Variants in CADPS2 observed in about 807,000 individuals in gnomAD.
CADPS2 encodes the protein calcium dependent secretion activator 2.
CADPS2 carries 93 observed loss-of-function variants against 172.5 expected under a neutral mutation model. The observed-to-expected ratio is 0.54, with a 90% CI of 0.46 to 0.64. The LOEUF is 0.64. CADPS2 is among the 30% of genes least tolerant of loss of function. The probability of loss-of-function intolerance (pLI) is 0.00; values close to 1 mark genes in which losing one functional copy is unlikely to be tolerated. For synonymous variants in CADPS2, 546 were observed against 555.2 expected (o/e 0.98, Z 0.23); for missense variants, 1,420 against 1,565.9 (o/e 0.91, Z 1.57).
chr7:122,769,393 C>T (rs372524069), intron 1 of CADPS2, among the ~76,000 whole-genome samples: 1 of 152,148 alleles, frequency 6.6e-6, no homozygotes, highest in East Asian at 1.9e-4. Context: ...TCTGAGGACT[C>T]ACTGAGCCCT....
chr7:122,671,071 G>T (rs1277532691), intron 2 of CADPS2, among the ~76,000 whole-genome samples: 1 of 152,006 alleles, frequency 6.6e-6, no homozygotes, highest in Non-Finnish European at 1.5e-5. Flanking sequence ...AGTTACCCAG[G>T]CTTGGCTAGA....
intron 1 of CADPS2, among the ~76,000 whole-genome samples, chr7:122,738,605 A>T (rs2092307899): frequency 6.6e-6 from 1 of 152,178 alleles, no homozygotes; most frequent in Admixed American, 6.5e-5. Context: ...GGATAAAATG[A>T]TTAAAGGATT....
At chr7:122,376,912 T>C (rs1421253377) in intron 25 of CADPS2, among the ~76,000 whole-genome samples, 1 of 152,118 alleles carries the variant, frequency 6.6e-6, no homozygotes, top group East Asian at 1.9e-4. Flanking sequence ...TTTAAAAATA[T>C]CATAATTATG....
Position 122,451,718 on chromosome 7 carries a change from C to T in CADPS2, c.2187-243G>A, listed in dbSNP as rs541866590. 9.2e-5 allele frequency among the ~76,000 whole-genome samples: 14 copies of T among 152,050 alleles called. No individual in the cohort carries two copies. In the South Asian group the frequency reaches 2.9e-3, roughly 32 times the overall value. ...GTAAAAGATTATAATAAATATTTTCCAGATCTACCGAAAACAATGACTAGT... is the reference window on the plus strand; with the variant it reads ...GTAAAAGATTATAATAAATATTTTCTAGATCTACCGAAAACAATGACTAGT... On this transcript the variant is annotated intron_variant, in intron 14 of 29. Coordinates refer to ENST00000449022, the MANE Select transcript of CADPS2 (RefSeq NM_017954.11).
chr7:122,634,558 T>C (rs1255390451), intron 3 of CADPS2, among the ~76,000 whole-genome samples: 1 of 152,196 alleles, frequency 6.6e-6, no homozygotes, highest in Non-Finnish European at 1.5e-5. Context: ...GTACGTATCC[T>C]TCTTTGTTAA....
At chr7:122,845,284 A>G (rs886155704) in intron 1 of CADPS2, among the ~76,000 whole-genome samples, 1 of 152,192 alleles carries the variant, frequency 6.6e-6, no homozygotes, top group Admixed American at 6.5e-5. Context: ...GGGACCCAGG[A>G]CTTATTCTAA....
chr7:122,532,967 A>AC (rs1174070854), intron 8 of CADPS2, among the ~76,000 whole-genome samples: 3 of 152,028 alleles, frequency 2.0e-5, no homozygotes, highest in Non-Finnish European at 2.9e-5. Flanking sequence ...AGAATGCCCA[A>AC]CCTAGTGCTT....
chr7:122,438,912 A>G (rs1359902196), intron 16 of CADPS2, among the ~76,000 whole-genome samples: 1 of 149,066 alleles, frequency 6.7e-6, no homozygotes, highest in African/African-American at 2.4e-5. Flanking sequence ...ATTAAGAATA[A>G]GCATAATCTT....
intron 9 of CADPS2, among the ~76,000 whole-genome samples, chr7:122,500,237 A>AT (rs1266838486): frequency 2.0e-5 from 3 of 151,990 alleles, no homozygotes; most frequent in African/African-American, 7.3e-5. Flanking sequence ...CTTGTTTGTC[A>AT]TTTTTTTGTT....
chr7:122,357,397 C>T (rs184877795), intron 27 of CADPS2: 26 of 152,268 alleles, frequency 1.7e-4, no homozygotes, highest in Admixed American at 3.3e-4. Flanking sequence ...GCACTTTCCT[C>T]GCTCCTCTTT....
rs537427244 is a variant in CADPS2 at position 122,464,799 on chromosome 7, A to G, written c.2186+6576T>C. On this transcript the variant is annotated intron_variant, in intron 14 of 29. Transcript: ENST00000449022. ...GAAACTGCTACAATCATGACAATTA[A>G]GTGCAACTTGGTACCCTGAATTGAA... 2.2e-4 allele frequency among the ~76,000 whole-genome samples: 33 copies of G among 152,328 alleles called. 2 individuals carry two copies. In the South Asian group the frequency reaches 6.0e-3, roughly 28 times the overall value.
At chr7:122,591,056 G>C (rs1285648539) in intron 6 of CADPS2, among the ~76,000 whole-genome samples, 1 of 151,892 alleles carries the variant, frequency 6.6e-6, no homozygotes, top group Non-Finnish European at 1.5e-5. Flanking sequence ...GTCCCTGTTT[G>C]CAGATGACAT....
chr7:122,419,820 C>T (rs1473539577), intron 17 of CADPS2, among the ~76,000 whole-genome samples: 1 of 150,850 alleles, frequency 6.6e-6, no homozygotes, highest in Non-Finnish European at 1.5e-5. Context: ...AAATTTATTT[C>T]TCCTACATAC....
chr7:122,729,937 A>G (rs921728323), intron 2 of CADPS2, among the ~76,000 whole-genome samples: 4 of 151,772 alleles, frequency 2.6e-5, no homozygotes, highest in African/African-American at 9.7e-5. Flanking sequence ...AATCATGAAA[A>G]CAGAATCCAA....
chr7:122,680,710 T>C (rs1313101750), intron 2 of CADPS2, among the ~76,000 whole-genome samples: 1 of 152,136 alleles, frequency 6.6e-6, no homozygotes, highest in Non-Finnish European at 1.5e-5. Flanking sequence ...TGAGACTGTC[T>C]CAAAAAGAAA....
At chr7:122,742,087 A>G (rs1283812628) in intron 1 of CADPS2, among the ~76,000 whole-genome samples, 2 of 152,124 alleles carry the variant, frequency 1.3e-5, no homozygotes, top group Admixed American at 6.6e-5. Context: ...TCGCTATTAT[A>G]GCTTTTTTAA....
intron 1 of CADPS2, among the ~76,000 whole-genome samples, chr7:122,826,950 A>G (rs1262662390): frequency 6.6e-6 from 1 of 152,184 alleles, no homozygotes; most frequent in African/African-American, 2.4e-5. Flanking sequence ...AATCAATGAA[A>G]TTAAAAATAG....
intron 1 of CADPS2, among the ~76,000 whole-genome samples, chr7:122,881,957 C>G (rs904341457): frequency 6.6e-6 from 1 of 152,132 alleles, no homozygotes; most frequent in African/African-American, 2.4e-5. Flanking sequence ...GAGGCATGGA[C>G]TGAATCTGAG....
intron 3 of CADPS2, among the ~76,000 whole-genome samples, chr7:122,638,250 T>C (rs1320545977): frequency 2.6e-5 from 4 of 152,138 alleles, no homozygotes; most frequent in African/African-American, 9.7e-5. Flanking sequence ...GAGGGAGACA[T>C]GCCCTGCTCC....
Sources: gnomAD v4.1 joint callset for allele counts (sites outside exome capture counted in the v4.1 genomes callset) on GRCh38, gnomAD v4.1.1 for gene constraint, MANE v1.5 for transcripts, NCBI Gene and HGNC (gene_info 2026-07-23, HGNC 2026-07-21) for gene names.